The following CEP85L variants were observed in gnomAD, a reference collection of about 807,000 sequenced individuals.
CEP85L encodes centrosomal protein 85L.
In CEP85L, 60 loss-of-function variants were observed where a neutral mutation model predicts 100.3. That is an observed-to-expected ratio of 0.60 (90% confidence interval 0.49 to 0.74). CEP85L has a LOEUF of 0.74. Among genes scored for constraint, CEP85L ranks in the 30% least tolerant of loss-of-function variants. The pLI is 0.00. For missense variants in CEP85L, 973 were observed against 936.2 expected (o/e 1.04, Z -0.51); for synonymous variants, 319 against 322.7 (o/e 0.99, Z 0.12).
At chr6:118,475,605 C>T (rs1271056816) in intron 10 of CEP85L, among the ~76,000 whole-genome samples, 4 of 152,006 alleles carry the variant, frequency 2.6e-5, no homozygotes, top group South Asian at 4.2e-4. Flanking sequence ...CCGCCTGCCT[C>T]GGCCTCCCAA....
intron 3 of CEP85L, among the ~76,000 whole-genome samples, chr6:118,563,970 G>A (rs1047076544): frequency 1.3e-5 from 2 of 152,092 alleles, no homozygotes; most frequent in Non-Finnish European, 2.9e-5. Context: ...ACTTAAAAGC[G>A]CTATAAAGAG....
chr6:118,625,995 G>A (rs1251987735), intron 2 of CEP85L, among the ~76,000 whole-genome samples: 1 of 152,160 alleles, frequency 6.6e-6, no homozygotes, highest in Non-Finnish European at 1.5e-5. Flanking sequence ...CCCTCTGGAG[G>A]ACAATACAAC....
intron 2 of CEP85L, among the ~76,000 whole-genome samples, chr6:118,567,247 G>GTATATATATATA (rs1323097174): frequency 6.3e-5 from 2 of 31,912 alleles, no homozygotes; most frequent in Admixed American, 3.3e-4. Context: ...GTGTGTGTGT[G>GTATATATATATA]TGTATATATA....
chr6:118,694,129 G>T (rs543556073), intron 1 of CEP85L, among the ~76,000 whole-genome samples: 2 of 152,160 alleles, frequency 1.3e-5, no homozygotes, highest in African/African-American at 4.8e-5. Context: ...CTTTACTTAT[G>T]TGTCTACCTA....
intron 3 of CEP85L, among the ~76,000 whole-genome samples, chr6:118,535,625 G>A (rs984117106): frequency 6.6e-6 from 1 of 152,154 alleles, no homozygotes; most frequent in Non-Finnish European, 1.5e-5. Context: ...CTCTCACCCA[G>A]GAGGTGAATC....
chr6:118,701,166 C>A (rs920984444), intron 1 of CEP85L, among the ~76,000 whole-genome samples: 1 of 152,134 alleles, frequency 6.6e-6, no homozygotes. Flanking sequence ...TGGGTTCCTG[C>A]GCTTATACAC....
intron 2 of CEP85L, among the ~76,000 whole-genome samples, chr6:118,625,783 C>T (rs1468899462): frequency 6.6e-6 from 1 of 152,220 alleles, no homozygotes; most frequent in East Asian, 1.9e-4. Flanking sequence ...TCTCCCCTTT[C>T]TAGGCCCTGT....
chr6:118,516,176 A>G (rs757228170), intron 4 of CEP85L, among the ~76,000 whole-genome samples: 8 of 152,224 alleles, frequency 5.3e-5, no homozygotes, highest in Non-Finnish European at 8.8e-5. Context: ...GGTTGGTTCC[A>G]AATCTTTGCT....
intron 2 of CEP85L, among the ~76,000 whole-genome samples, chr6:118,586,716 T>C (rs1012958414): frequency 6.6e-6 from 1 of 152,232 alleles, no homozygotes; most frequent in African/African-American, 2.4e-5. Flanking sequence ...CTAATCATCT[T>C]ATTCAGTCTC....
intron 1 of CEP85L, among the ~76,000 whole-genome samples, chr6:118,683,477 A>G (rs574967104): frequency 1.3e-5 from 2 of 152,338 alleles, no homozygotes; most frequent in South Asian, 4.1e-4. Flanking sequence ...GGAGGGTAAC[A>G]TTCCCTATGG....
chr6:118,526,374 ACCTTCAGG>A (rs1377044421), intron 3 of CEP85L, among the ~76,000 whole-genome samples: 2 of 152,132 alleles, frequency 1.3e-5, no homozygotes, highest in African/African-American at 4.8e-5. Flanking sequence ...AGCACAAGTG[ACCTTCAGG>A]ACCCCGCTCC....
chr6:118,695,185 A>G (rs1421485998), intron 1 of CEP85L, among the ~76,000 whole-genome samples: 1 of 152,198 alleles, frequency 6.6e-6, no homozygotes, highest in African/African-American at 2.4e-5. Context: ...TCAAATGGCA[A>G]TCTCAGCTTC....
chr6:118,702,444 C>T (rs1777445697), intron 1 of CEP85L, among the ~76,000 whole-genome samples: 2 of 151,904 alleles, frequency 1.3e-5, no homozygotes, highest in Admixed American at 6.6e-5. Flanking sequence ...TCTGGGAGGT[C>T]AAGGATGCAA....
intron 3 of CEP85L, among the ~76,000 whole-genome samples, chr6:118,555,304 TG>T (rs1778789376): frequency 1.3e-5 from 2 of 151,830 alleles, no homozygotes; most frequent in Non-Finnish European, 2.9e-5. Context: ...GGCGGGCACC[TG>T]TAGTCCCAGC....
chr6:118,557,966 T>C (rs2114962771), intron 3 of CEP85L, among the ~76,000 whole-genome samples: 1 of 138,656 alleles, frequency 7.2e-6, no homozygotes, highest in Non-Finnish European at 1.6e-5. Flanking sequence ...CTTTGTTGGC[T>C]TTTTTTTTTT....
intron 3 of CEP85L, among the ~76,000 whole-genome samples, chr6:118,527,636 A>C (rs11758454): frequency 0.34 from 52,131 of 152,014 alleles, 10,064 homozygotes; most frequent in Non-Finnish European, 0.45. Context: ...ACTGTGGCTC[A>C]AACAGGAAAT....
At chr6:118,500,741 T>G (rs1373370717) in intron 5 of CEP85L, among the ~76,000 whole-genome samples, 2 of 152,162 alleles carry the variant, frequency 1.3e-5, no homozygotes, top group Non-Finnish European at 2.9e-5. Flanking sequence ...CAAAATCGGG[T>G]GCTCAACAAG....
intron 1 of CEP85L, among the ~76,000 whole-genome samples, chr6:118,685,963 G>A (rs1238105494): frequency 1.3e-5 from 2 of 152,192 alleles, no homozygotes; most frequent in African/African-American, 2.4e-5. Flanking sequence ...AGGGGAAATG[G>A]GGAATGCTTG....
intron 2 of CEP85L, among the ~76,000 whole-genome samples, chr6:118,588,526 T>G (rs547600299): frequency 1.3e-5 from 2 of 152,268 alleles, no homozygotes; most frequent in East Asian, 3.9e-4. Context: ...AAGGAAAATC[T>G]ACAGGTACTT....
Sources: allele counts gnomAD v4.1 joint callset (sites outside exome capture counted in the v4.1 genomes callset), GRCh38; gene constraint gnomAD v4.1.1; transcripts MANE v1.5; gene names NCBI Gene and HGNC (gene_info 2026-07-23, HGNC 2026-07-21).